The following LRCH3 variants were observed in gnomAD, a reference collection of about 807,000 sequenced individuals.
LRCH3 encodes the protein DISP complex protein LRCH3.
Under a neutral mutation model 104.5 loss-of-function variants are expected in LRCH3, and 68 were observed. That is an observed-to-expected ratio of 0.65 (90% CI 0.54 to 0.80). LRCH3 has a LOEUF of 0.80. LRCH3 is among the 30% of genes least tolerant of loss of function. The pLI is 0.00. For synonymous variants in LRCH3, 344 were observed against 361.3 expected (o/e 0.95, Z 0.54); for missense variants, 951 against 953.9 (o/e 1.00, Z 0.04).
At chr3:197,835,865 T>A (rs982244091) in intron 9 of LRCH3, 43 bp downstream of exon 9, 1 of 1,594,802 alleles carries the variant, frequency 6.3e-7, no homozygotes, top group African/African-American at 1.3e-5. Context: ...TATCCCTTCA[T>A]AAAAATAATT....
At chr3:197,874,508 T>C (rs1712629332) in intron 19 of LRCH3, among the ~76,000 whole-genome samples, 1 of 152,200 alleles carries the variant, frequency 6.6e-6, no homozygotes, top group Admixed American at 6.5e-5. Flanking sequence ...GATTTCATTA[T>C]GTATGATTAT....
intron 20 of LRCH3, among the ~76,000 whole-genome samples, chr3:197,880,105 C>T (rs1319025828): frequency 6.6e-6 from 1 of 150,388 alleles, no homozygotes; most frequent in Non-Finnish European, 1.5e-5. Context: ...GCCACCACGC[C>T]CGGCTAATTT....
At chr3:197,817,360 G>GTGTGTGTGTGTGTATATATA in intron 3 of LRCH3, 58 bp downstream of exon 3, 1 of 70,086 alleles carries the variant, frequency 1.4e-5, no homozygotes, top group African/African-American at 8.8e-5. Flanking sequence ...GTGTGTGTGT[G>GTGTGTGTGTGTGTATATATA]TATATATATA....
intron 4 of LRCH3, among the ~76,000 whole-genome samples, chr3:197,825,484 TTTTTTTTTTTTTTG>T (rs1735072583): frequency 9.7e-6 from 1 of 103,162 alleles, no homozygotes; most frequent in African/African-American, 3.9e-5. Context: ...TTTTTTTTTT[TTTTTTTTTTTTTTG>T]AGACAGAGTC....
At chr3:197,852,740 T>G in intron 13 of LRCH3, 120 bp downstream of exon 13, 1 of 982,852 alleles carries the variant, frequency 1.0e-6, no homozygotes, top group South Asian at 1.4e-5. Flanking sequence ...TTTTTCCACC[T>G]CACAATATTC....
chr3:197,880,781 C>T, intron 20 of LRCH3: 1 of 1,531,358 alleles, frequency 6.5e-7, no homozygotes, highest in African/African-American at 1.4e-5. Flanking sequence ...GTTTCTCATC[C>T]AGAATTATTT....
chr3:197,824,063 G>GT (rs892490866), intron 4 of LRCH3, among the ~76,000 whole-genome samples: 3 of 150,918 alleles, frequency 2.0e-5, no homozygotes, highest in Non-Finnish European at 4.4e-5. Flanking sequence ...TCTTGTACAT[G>GT]TTTTTTTCTT....
intron 9 of LRCH3, 115 bp from the exon 10 acceptor site, chr3:197,839,205 AT>A: frequency 1.5e-6 from 1 of 666,838 alleles, no homozygotes; most frequent in Admixed American, 3.6e-5. Flanking sequence ...TGAAGAGTCT[AT>A]TAAAATGTTT....
At chr3:197,843,010 T>C (rs1237689093) in intron 10 of LRCH3, among the ~76,000 whole-genome samples, 1 of 150,040 alleles carries the variant, frequency 6.7e-6, no homozygotes, top group Non-Finnish European at 1.5e-5. Flanking sequence ...GCTTGAACCC[T>C]GGAGGTGGAG....
At chr3:197,791,951 G>C (rs1287462672) in intron 1 of LRCH3, among the ~76,000 whole-genome samples, 1 of 152,188 alleles carries the variant, frequency 6.6e-6, no homozygotes, top group Non-Finnish European at 1.5e-5. Context: ...GTCTGGACGA[G>C]CTGCATTGTC....
At chr3:197,802,969 T>A (rs986019645) in intron 1 of LRCH3, among the ~76,000 whole-genome samples, 7 of 152,302 alleles carry the variant, frequency 4.6e-5, no homozygotes, top group African/African-American at 1.7e-4. Flanking sequence ...TGCTTCTCTT[T>A]GGTGTGAAAA....
chr3:197,806,307 G>T (rs1732478986), intron 1 of LRCH3, among the ~76,000 whole-genome samples: 1 of 151,408 alleles, frequency 6.6e-6, no homozygotes, highest in South Asian at 2.1e-4. Context: ...TCTAATTTTA[G>T]TAGAGACAGG....
chr3:197,839,275 T>C, intron 9 of LRCH3, 46 bp from the exon 10 acceptor site: 1 of 1,297,770 alleles, frequency 7.7e-7, no homozygotes, highest in Non-Finnish European at 1.1e-6. Context: ...ATCGCAGTGT[T>C]CTGGATTAAT....
At position 197,811,997 on chromosome 3, in the gene LRCH3, GTAC is replaced by G. The variant is rs1240282274; in HGVS notation, c.263-2907_263-2905del. 5.3e-5 allele frequency among the ~76,000 whole-genome samples: 8 copies of G among 152,284 alleles called. 2 individuals are homozygous for G. In the Middle Eastern group the frequency reaches 0.024, roughly 453 times the overall value. On this transcript the variant is annotated intron_variant, in intron 1 of 20. Coordinates refer to ENST00000425562, the MANE Select transcript of LRCH3 (RefSeq NM_001365715.1). ...AGATTACATTTCTTTTCTACTTTGA[GTAC>G]TACATGTTTGATTTTTTAAATTGTT...
At chr3:197,879,460 C>A (rs1226724979) in intron 20 of LRCH3, among the ~76,000 whole-genome samples, 12 of 151,174 alleles carry the variant, frequency 7.9e-5, no homozygotes, top group South Asian at 2.1e-4. Flanking sequence ...TCCTGGCTAA[C>A]ATGGTGAAAC....
intron 1 of LRCH3, among the ~76,000 whole-genome samples, chr3:197,812,399 G>A (rs1054897595): frequency 4.0e-5 from 6 of 149,266 alleles, no homozygotes; most frequent in African/African-American, 1.2e-4. Flanking sequence ...GGAAATATCT[G>A]TTCACCCATT....
chr3:197,882,611 C>T (rs1248583187), intron 20 of LRCH3: 3 of 961,844 alleles, frequency 3.1e-6, no homozygotes, highest in Non-Finnish European at 3.7e-6. Flanking sequence ...ATATTCTGTT[C>T]TTTGTAAGAG....
chr3:197,797,326 T>G (rs1193172249), intron 1 of LRCH3, among the ~76,000 whole-genome samples: 1 of 4,388 alleles, frequency 2.3e-4, no homozygotes, highest in Non-Finnish European at 5.3e-4. Flanking sequence ...AAACTCCATC[T>G]CAAAAAAAAA....
intron 4 of LRCH3, 104 bp downstream of exon 4, chr3:197,820,534 G>T: frequency 1.4e-6 from 1 of 739,032 alleles, no homozygotes; most frequent in East Asian, 2.7e-5. Context: ...ATCTAGGCTG[G>T]GCGCTGTGGC....
Sources: gnomAD v4.1 joint callset for allele counts (sites outside exome capture counted in the v4.1 genomes callset) on GRCh38, gnomAD v4.1.1 for gene constraint, MANE v1.5 for transcripts, NCBI Gene and HGNC (gene_info 2026-07-23, HGNC 2026-07-21) for gene names.